The following NCOA1 variants were observed in gnomAD, a reference collection of about 807,000 sequenced individuals.
NCOA1 encodes the protein nuclear receptor coactivator 1.
A neutral mutation model predicts 150.9 loss-of-function variants in NCOA1; 35 were observed. The observed-to-expected ratio is 0.23, with a 90% confidence interval of 0.18 to 0.31. The LOEUF is 0.31. NCOA1 is among the 10% of genes least tolerant of loss of function. NCOA1 has a pLI of 1.00. For missense variants in NCOA1, 1,491 were observed against 1,749.3 expected, an observed-to-expected ratio of 0.85 and a Z score of 2.63; for synonymous variants, 590 against 630.0, an observed-to-expected ratio of 0.94 and a Z score of 0.95.
intron 6 of NCOA1, among the ~76,000 whole-genome samples, chr2:24,666,692 G>T (rs1394204157): frequency 6.6e-6 from 1 of 151,250 alleles, no homozygotes; most frequent in Non-Finnish European, 1.5e-5. Context: ...GAGTGCAGTG[G>T]TGCGATCTCT....
intron 1 of NCOA1, among the ~76,000 whole-genome samples, chr2:24,529,727 G>A (rs925695389): frequency 6.6e-6 from 1 of 152,132 alleles, no homozygotes. Context: ...AAGAATATTT[G>A]AGAGACAGAA....
At chr2:24,657,298 T>C (rs1670992633) in intron 4 of NCOA1, among the ~76,000 whole-genome samples, 1 of 152,196 alleles carries the variant, frequency 6.6e-6, no homozygotes, top group Admixed American at 6.5e-5. Context: ...TTAAAGGATC[T>C]TGCATTAATC....
intron 6 of NCOA1, among the ~76,000 whole-genome samples, chr2:24,669,484 A>T (rs1484564272): frequency 1.3e-5 from 2 of 152,182 alleles, no homozygotes; most frequent in Admixed American, 1.3e-4. Context: ...AGCCATTCCT[A>T]CCTTAGGTTT....
At chr2:24,762,139 A>G (rs757270383) in intron 21 of NCOA1, among the ~76,000 whole-genome samples, 2 of 152,124 alleles carry the variant, frequency 1.3e-5, no homozygotes, top group Non-Finnish European at 2.9e-5. Context: ...CCGGAAATAC[A>G]CTCCAGGCAG....
At chr2:24,506,983 ACTTCT>A (rs1663723707) in intron 1 of NCOA1, among the ~76,000 whole-genome samples, 1 of 152,218 alleles carries the variant, frequency 6.6e-6, no homozygotes. Flanking sequence ...GAAATTTAGC[ACTTCT>A]CTTGTAGAAT....
chr2:24,668,351 G>C (rs1671526380), intron 6 of NCOA1, among the ~76,000 whole-genome samples: 1 of 151,972 alleles, frequency 6.6e-6, no homozygotes, highest in Admixed American at 6.6e-5. Context: ...TGTTGTAAAA[G>C]AAAGATAAAG....
chr2:24,644,988 G>C (rs957258914), intron 4 of NCOA1, among the ~76,000 whole-genome samples: 1 of 152,094 alleles, frequency 6.6e-6, no homozygotes, highest in African/African-American at 2.4e-5. Flanking sequence ...AGTGATACCT[G>C]TCAACCTAGA....
intron 9 of NCOA1, 82 bp from the exon 10 acceptor site, chr2:24,693,170 A>G: frequency 7.3e-7 from 1 of 1,374,624 alleles, no homozygotes; most frequent in Non-Finnish European, 1.0e-6. Flanking sequence ...TATTGTTTTT[A>G]TGAAAACCAT....
At chr2:24,658,833 C>T (rs948665995) in intron 5 of NCOA1, 67 bp downstream of exon 5, 5 of 1,410,880 alleles carry the variant, frequency 3.5e-6, no homozygotes, top group Non-Finnish European at 5.0e-6. Context: ...CACTTCAGAG[C>T]TTTTGTTTAA....
At chr2:24,682,878 A>C in intron 7 of NCOA1, 73 bp from the exon 8 acceptor site, 2 of 1,348,602 alleles carry the variant, frequency 1.5e-6, no homozygotes, top group Non-Finnish European at 2.0e-6. Context: ...CTCTTTTTTA[A>C]TAGAAAAATG....
chr2:24,753,742 T>C (rs1664361684), intron 20 of NCOA1, among the ~76,000 whole-genome samples: 1 of 152,148 alleles, frequency 6.6e-6, no homozygotes, highest in Admixed American at 6.5e-5. Context: ...CAGAGGTGAT[T>C]CTAGGACCTC....
chr2:24,668,595 A>G (rs1034203256), intron 6 of NCOA1, among the ~76,000 whole-genome samples: 1 of 152,190 alleles, frequency 6.6e-6, no homozygotes, highest in Non-Finnish European at 1.5e-5. Flanking sequence ...TATTACCTCC[A>G]GTTATACCTG....
intron 10 of NCOA1, 57 bp from the exon 11 acceptor site, chr2:24,697,601 T>C: frequency 1.4e-6 from 2 of 1,446,990 alleles, no homozygotes; most frequent in South Asian, 2.6e-5. Context: ...AGTTTTGAAA[T>C]ACAGATGATT....
intron 7 of NCOA1, chr2:24,676,483 A>T (rs1050975835): frequency 2.0e-5 from 3 of 152,370 alleles, no homozygotes; most frequent in African/African-American, 7.2e-5. Context: ...AAAAAGCTCC[A>T]TTGAAAGGAC....
chr2:24,576,149 G>GTTTGTTTTTTTTTTTTTTT (rs1666947335), intron 2 of NCOA1, among the ~76,000 whole-genome samples: 1 of 94,026 alleles, frequency 1.1e-5, no homozygotes, highest in Non-Finnish European at 2.0e-5. Context: ...TTTGGCCTTT[G>GTTTGTTTTTTTTTTTTTTT]TTTTTTTTTT....
chr2:24,625,779 T>TAGAAG (rs1669382033), intron 3 of NCOA1, among the ~76,000 whole-genome samples: 1 of 151,868 alleles, frequency 6.6e-6, no homozygotes. Flanking sequence ...ATGGATTATT[T>TAGAAG]AGAAGTGTGT....
At chr2:24,549,920 T>A (rs1665758206) in intron 1 of NCOA1, among the ~76,000 whole-genome samples, 1 of 152,210 alleles carries the variant, frequency 6.6e-6, no homozygotes, top group African/African-American at 2.4e-5. Context: ...AAGTCACCTC[T>A]TGAATGTTTT....
At position 24,658,721 on chromosome 2, in the gene NCOA1, A is replaced by C; in HGVS notation, c.44A>C (p.Asp15Ala). 3 of 1,614,066 alleles carry C rather than the reference A, an allele frequency of 1.9e-6. No homozygotes were observed. Among genetic ancestry groups the C allele is most frequent in the Non-Finnish European group, 2.5e-6 (3 of 1,179,950 alleles). ...GDSSSDPANPDSHKRKGSPCD... is the reference protein window; with the variant it reads ...GDSSSDPANPASHKRKGSPCD... ...AGTTCATCCGACCCTGCTAACCCAG[A>C]CTCACATAAGAGGAAAGGATCGCCA... The change falls in exon 5 of 23, where the codon GAC (aspartate) becomes GCC (alanine). Residue 15 changes from aspartate to alanine, a missense_variant. This residue lies in a region of NCOA1 where 40 missense variants were observed against 39.6 expected (regional missense o/e 1.01). Transcript: ENST00000348332.
At chr2:24,701,937 G>T (rs1331243153) in intron 11 of NCOA1, among the ~76,000 whole-genome samples, 1 of 152,194 alleles carries the variant, frequency 6.6e-6, no homozygotes, top group East Asian at 1.9e-4. Context: ...TTGAACCCAG[G>T]AGGCGGAGGT....
Sources: allele counts gnomAD v4.1 joint callset (sites outside exome capture counted in the v4.1 genomes callset), GRCh38; gene constraint gnomAD v4.1.1; regional missense constraint gnomAD v4.1.1; transcripts MANE v1.5; gene names NCBI Gene and HGNC (gene_info 2026-07-23, HGNC 2026-07-21).